Variants in ATP2C1 observed in about 807,000 individuals in gnomAD.
ATP2C1 encodes calcium-transporting ATPase type 2C member 1.
Under a neutral mutation model 120.5 loss-of-function variants are expected in ATP2C1, and 31 were observed. The observed-to-expected ratio is 0.26, with a 90% CI of 0.19 to 0.35. The LOEUF is 0.35. Ranked by LOEUF, ATP2C1 falls within the 10% of genes least tolerant of loss-of-function variation. The pLI, the probability that ATP2C1 is intolerant of heterozygous loss-of-function variation, is 1.00. For missense variants in ATP2C1, 731 were observed against 1,107.5 expected (o/e 0.66, Z 4.83); for synonymous variants, 351 against 358.7 (o/e 0.98, Z 0.24).
rs1251292457 is a variant in ATP2C1 at position 130,902,311 on chromosome 3, T to G, written c.6+7536T>G. On this transcript the variant is annotated intron_variant, in intron 2 of 27. Coordinates refer to ENST00000510168, the MANE Select transcript of ATP2C1 (RefSeq NM_001378687.1). ...TTTTTTTTTTTGTTTTTTTTTTTTT[T>G]TTTTTTTTTTTCTGAGAGGTGAGTG... 1.3e-4 allele frequency among the ~76,000 whole-genome samples: 9 copies of G among 68,020 alleles called. 1 individual carries two copies. The East Asian group carries it at 1.5e-3, about 12-fold the overall frequency. 44.6% of individuals were successfully genotyped at this position (68,020 alleles called of 152,430 possible). A position where few individuals can be genotyped will look rare whatever the true frequency, so the allele number is the denominator to read the frequency against.
intron 13 of ATP2C1, 150 bp downstream of exon 13, chr3:130,964,245 A>T: frequency 8.7e-7 from 1 of 1,147,508 alleles, no homozygotes; most frequent in Non-Finnish European, 1.3e-6. Context: ...ACAACCAAAA[A>T]AGGCAATTAA....
chr3:130,997,893 A>G (rs2062704982), intron 25 of ATP2C1, 140 bp downstream of exon 25: 13 of 836,810 alleles, frequency 1.6e-5, no homozygotes, highest in Non-Finnish European at 1.7e-5. Flanking sequence ...ATTTTAAAAG[A>G]GTTTGATTTC....
At chr3:130,978,127 C>T (rs1272539616) in intron 18 of ATP2C1, among the ~76,000 whole-genome samples, 1 of 152,168 alleles carries the variant, frequency 6.6e-6, no homozygotes, top group Non-Finnish European at 1.5e-5. Context: ...TCACTGTCCC[C>T]TTCTGTTACC....
intron 8 of ATP2C1, among the ~76,000 whole-genome samples, chr3:130,944,369 A>T (rs962854467): frequency 6.6e-6 from 1 of 152,138 alleles, no homozygotes; most frequent in African/African-American, 2.4e-5. Context: ...ATACCATGCC[A>T]TTTATTTTTC....
At chr3:130,983,558 A>G (rs1272959715) in intron 20 of ATP2C1, among the ~76,000 whole-genome samples, 1 of 152,238 alleles carries the variant, frequency 6.6e-6, no homozygotes, top group Non-Finnish European at 1.5e-5. Context: ...GCATAATGAC[A>G]TATATCCACC....
At chr3:130,979,517 T>A in intron 19 of ATP2C1, 98 bp downstream of exon 19, 1 of 1,276,820 alleles carries the variant, frequency 7.8e-7, no homozygotes, top group Non-Finnish European at 1.1e-6. Context: ...GTTTATGTAA[T>A]ATTGAGATTA....
intron 22 of ATP2C1, among the ~76,000 whole-genome samples, chr3:130,994,302 C>A (rs1267947994): frequency 6.6e-6 from 1 of 152,178 alleles, no homozygotes; most frequent in African/African-American, 2.4e-5. Context: ...GCAGGACCCT[C>A]ATTTAAGAAG....
chr3:130,964,344 A>G (rs1478036901), intron 13 of ATP2C1, among the ~76,000 whole-genome samples: 2 of 152,176 alleles, frequency 1.3e-5, no homozygotes, highest in South Asian at 2.1e-4. Flanking sequence ...AAATCCATAC[A>G]ACAACTGAAA....
Position 130,894,320 on chromosome 3 carries a change from G to A in ATP2C1, c.-198G>A. 4.0e-6 allele frequency: 4 copies of A among 991,578 alleles called. No homozygotes were observed. Among genetic ancestry groups the A allele is most frequent in the Non-Finnish European group, 4.8e-6 (4 of 833,258 alleles). 61.4% of individuals were successfully genotyped at this position (991,578 alleles called of 1,614,324 possible). ...GCTGAGACCCCGCAGCCTGGAGGAG[G>A]GCTGTCCGGGGCTTTGGGTGGGTAC... On this transcript the variant is annotated 5_prime_UTR_variant, in exon 1 of 28. Coordinates refer to ENST00000510168, the MANE Select transcript of ATP2C1 (RefSeq NM_001378687.1). The surrounding 1 kb of genome is among the most constrained non-coding windows in gnomAD (Gnocchi z 4.5).
At chr3:130,856,748 T>C (rs2067853317) in intron 1 of ATP2C1, among the ~76,000 whole-genome samples, 1 of 152,214 alleles carries the variant, frequency 6.6e-6, no homozygotes, top group Non-Finnish European at 1.5e-5. Context: ...CTCTCCCTGC[T>C]GCATGTTGAC....
chr3:130,852,951 A>C (rs1470025346), intron 1 of ATP2C1, among the ~76,000 whole-genome samples: 8 of 151,878 alleles, frequency 5.3e-5, no homozygotes, highest in African/African-American at 1.7e-4. Context: ...TGAACAATCT[A>C]GTAATAGCAA....
At chr3:130,885,254 G>C (rs2068936006) in intron 1 of ATP2C1, among the ~76,000 whole-genome samples, 1 of 152,064 alleles carries the variant, frequency 6.6e-6, no homozygotes, top group Admixed American at 6.6e-5. Context: ...GTTTCTTATA[G>C]GTGATAGATC....
chr3:130,998,932 G>C (rs1249008897), intron 26 of ATP2C1, among the ~76,000 whole-genome samples: 1 of 152,064 alleles, frequency 6.6e-6, no homozygotes, highest in Non-Finnish European at 1.5e-5. Context: ...TACTTTTTTA[G>C]AGCATATTGT....
chr3:131,001,003 T>A (rs2062857033), intron 27 of ATP2C1, among the ~76,000 whole-genome samples: 1 of 147,852 alleles, frequency 6.8e-6, no homozygotes. Context: ...CTTGGGAGGC[T>A]GAGGCAGGCA....
At chr3:130,914,109 T>TA (rs1340356484) in intron 2 of ATP2C1, among the ~76,000 whole-genome samples, 3 of 152,190 alleles carry the variant, frequency 2.0e-5, no homozygotes, top group Non-Finnish European at 4.4e-5. Context: ...CTCCAACTGT[T>TA]ACTGTGATAA....
intron 1 of ATP2C1, among the ~76,000 whole-genome samples, chr3:130,862,769 A>C (rs2068057481): frequency 6.6e-6 from 1 of 152,204 alleles, no homozygotes; most frequent in Non-Finnish European, 1.5e-5. Context: ...ACAAACCACA[A>C]TTATATAATC....
chr3:130,882,520 A>G (rs1031500006), intron 1 of ATP2C1, among the ~76,000 whole-genome samples: 8 of 152,082 alleles, frequency 5.3e-5, no homozygotes, highest in African/African-American at 1.9e-4. Context: ...TTATGTTGAG[A>G]TATGTTCCTT....
Position 131,002,470 on chromosome 3 carries a change from CT to C in ATP2C1, c.*1121del. 1 of 985,376 alleles carries C rather than the reference CT, an allele frequency of 1.0e-6. No individual in the cohort carries two copies. Among genetic ancestry groups the C allele is most frequent in the Non-Finnish European group, 1.2e-6 (1 of 829,914 alleles). The allele number at this position is 985,376 out of a possible 1,614,324, so 61.0% of individuals were successfully genotyped here. ...TAGCACAAACCTGAGTATATCTCTT[CT>C]ACTTTCATCATGTGTTCTGTACCTT... On this transcript the variant is annotated 3_prime_UTR_variant, in exon 28 of 28. Coordinates refer to ENST00000510168, the MANE Select transcript of ATP2C1 (RefSeq NM_001378687.1).
In ATP2C1 at chr3:130,975,620, G is replaced by T. The variant is rs564329198; in HGVS notation, c.1570+132G>T. On this transcript the variant is annotated intron_variant, in intron 18 of 27. Coordinates refer to ENST00000510168, the MANE Select transcript of ATP2C1 (RefSeq NM_001378687.1). ...TTGTAGAACCCTTGCCAGTATTGAG[G>T]TGTTAAGTTTTAGTTGGTTAATTGG... 2,382 of 1,105,600 alleles carry T rather than the reference G, an allele frequency of 2.2e-3. 5 individuals are homozygous for T. The highest frequency in any genetic ancestry group is 2.7e-3 in the Non-Finnish European group (2,060 of 750,398). 68.5% of individuals were successfully genotyped at this position (1,105,600 alleles called of 1,614,324 possible).
Sources: allele counts gnomAD v4.1 joint callset (sites outside exome capture counted in the v4.1 genomes callset), GRCh38; gene constraint gnomAD v4.1.1; non-coding constraint Gnocchi (gnomAD v3.1); transcripts MANE v1.5; gene names NCBI Gene and HGNC (gene_info 2026-07-23, HGNC 2026-07-21).